Variants in SLC6A16 observed in about 807,000 individuals in gnomAD.
SLC6A16 encodes solute carrier family 6 member 16.
SLC6A16 carries 54 observed loss-of-function variants against 65.4 expected under a neutral mutation model. The observed-to-expected ratio is 0.83, with a 90% CI of 0.66 to 1.04. The LOEUF (loss-of-function observed/expected upper bound fraction) is 1.04. Ranked by LOEUF, SLC6A16 falls within the 50% of genes least tolerant of loss-of-function variation. The pLI is 0.00. For synonymous variants in SLC6A16, 330 were observed against 346.5 expected (o/e 0.95, Z 0.53); for missense variants, 816 against 914.0 (o/e 0.89, Z 1.38).
chr19:49,333,796 G>C, the SLC6A16 span, among the ~76,000 whole-genome samples: 5 of 152,188 alleles, frequency 3.3e-5, no homozygotes, highest in Non-Finnish European at 7.4e-5. Flanking sequence ...TGACTAGATA[G>C]ATGGTGGGGC....
the SLC6A16 span, chr19:49,336,109 C>A: frequency 2.6e-6 from 1 of 390,602 alleles, no homozygotes; most frequent in South Asian, 4.4e-5. Context: ...ACAGCAAGGA[C>A]GTAAAAGAGC....
At chr19:49,305,178 G>A (rs959009197) in intron 7 of SLC6A16, among the ~76,000 whole-genome samples, 3 of 152,178 alleles carry the variant, frequency 2.0e-5, no homozygotes, top group African/African-American at 7.2e-5. Context: ...TGTGCTCTGT[G>A]AGCTACCATG....
the SLC6A16 span, chr19:49,339,336 G>A: frequency 5.0e-6 from 8 of 1,613,924 alleles, no homozygotes; most frequent in Non-Finnish European, 6.8e-6. The surrounding 1 kb of genome is among the most constrained non-coding windows in gnomAD (Gnocchi z 4.5). Flanking sequence ...CCAGGGCTGC[G>A]CGCAGGGCCT....
chr19:49,339,861 G>C, the SLC6A16 span: 1 of 1,333,172 alleles, frequency 7.5e-7, no homozygotes, highest in East Asian at 3.2e-5. The surrounding 1 kb of genome is among the most constrained non-coding windows in gnomAD (Gnocchi z 4.5). Flanking sequence ...CGCAGGGCAA[G>C]CTGCCCATGG....
chr19:49,322,634 CAAAA>C (rs59799608), intron 1 of SLC6A16, among the ~76,000 whole-genome samples: 2 of 77,416 alleles, frequency 2.6e-5, no homozygotes. Context: ...AACTCCATCT[CAAAA>C]AAAAAAAAAA....
At chr19:49,339,076 G>A in the SLC6A16 span, 1 of 748,176 alleles carries the variant, frequency 1.3e-6, no homozygotes. The surrounding 1 kb of genome is among the most constrained non-coding windows in gnomAD (Gnocchi z 4.5). Flanking sequence ...GGGGCCCTCT[G>A]AAGGGGGCGG....
the SLC6A16 span, chr19:49,339,544 C>T: frequency 8.8e-6 from 13 of 1,482,738 alleles, no homozygotes; most frequent in Non-Finnish European, 1.2e-5. This position sits in a 1 kb window ranked among gnomAD's most constrained non-coding sequence, Gnocchi z 4.5. Flanking sequence ...GCCCTCCCGC[C>T]GCTCCACCCA....
chr19:49,310,890 GA>G (rs1375995464), intron 2 of SLC6A16, 42 bp downstream of exon 2: 2 of 1,414,152 alleles, frequency 1.4e-6, no homozygotes, highest in Admixed American at 3.6e-5. Flanking sequence ...ACTCTGTCCT[GA>G]TTGCCCCTTG....
the SLC6A16 span, among the ~76,000 whole-genome samples, chr19:49,333,230 G>C: frequency 6.6e-6 from 1 of 150,420 alleles, no homozygotes; most frequent in Non-Finnish European, 1.5e-5. Context: ...CCCAGCACTT[G>C]GGGAGGCCGA....
chr19:49,301,487 T>C (rs939493516), intron 7 of SLC6A16, among the ~76,000 whole-genome samples: 3 of 152,194 alleles, frequency 2.0e-5, no homozygotes, highest in Non-Finnish European at 4.4e-5. Context: ...AGCACACTTC[T>C]GTACTGAGGA....
intron 2 of SLC6A16, 70 bp from the exon 3 acceptor site, chr19:49,310,580 G>T: frequency 6.4e-7 from 1 of 1,563,362 alleles, no homozygotes; most frequent in South Asian, 1.1e-5. Flanking sequence ...CAGGAGCCCA[G>T]GAAAACATTC....
chr19:49,317,883 T>TA (rs895625415), intron 1 of SLC6A16, among the ~76,000 whole-genome samples: 4 of 152,148 alleles, frequency 2.6e-5, no homozygotes, highest in Non-Finnish European at 4.4e-5. Flanking sequence ...TTGCAATCTC[T>TA]AAAAAAAGGC....
the SLC6A16 span, chr19:49,339,081 G>A: frequency 2.7e-6 from 2 of 734,560 alleles, no homozygotes; most frequent in South Asian, 1.7e-5. This position sits in a 1 kb window ranked among gnomAD's most constrained non-coding sequence, Gnocchi z 4.5. Context: ...CCTCTGAAGG[G>A]GGCGGGGTCT....
At chr19:49,323,378 T>C (rs1409963610) in intron 1 of SLC6A16, among the ~76,000 whole-genome samples, 6 of 152,254 alleles carry the variant, frequency 3.9e-5, no homozygotes, top group Admixed American at 2.6e-4. Context: ...ATTAAAATGT[T>C]TTAAATTTGT....
chr19:49,338,965 T>C, the SLC6A16 span: 7 of 1,516,578 alleles, frequency 4.6e-6, no homozygotes, highest in Admixed American at 6.7e-5. The surrounding 1 kb of genome is among the most constrained non-coding windows in gnomAD (Gnocchi z 5.0). Context: ...CATAAACCTG[T>C]CGAATGGGGC....
rs1386096995 is a variant in SLC6A16, at chr19:49,309,001, G to T, written c.1104C>A (p.Asn368Lys). Residue 368 changes from asparagine (N) to lysine (K), a missense_variant, in exon 7 of 12, where the codon AAC (asparagine) becomes AAA (lysine). Transcript: ENST00000335875. ...ASLASYMPQS[N>K]NCLSDAFLVS... ...CGAGAAAGGCATCACTGAGACAGTT[G>T]TTGGACTGGGGCATGTAGGAGGCTA... The T allele has an allele frequency of 1.9e-6, 3 of 1,614,232 alleles. No individual in the cohort carries two copies. The highest frequency in any genetic ancestry group is 2.5e-6 in the Non-Finnish European group (3 of 1,180,046).
intron 7 of SLC6A16, among the ~76,000 whole-genome samples, chr19:49,306,547 C>CTT (rs1174068777): frequency 1.1e-4 from 13 of 114,906 alleles, no homozygotes; most frequent in African/African-American, 1.6e-4. Flanking sequence ...TTTTTTTTTT[C>CTT]TTTTTTTTTT....
At chr19:49,321,292 T>C (rs1172549834) in intron 1 of SLC6A16, among the ~76,000 whole-genome samples, 3 of 148,384 alleles carry the variant, frequency 2.0e-5, no homozygotes, top group Non-Finnish European at 4.4e-5. Flanking sequence ...GAAAAAACAT[T>C]TGACAAAACT....
At chr19:49,337,278 T>A in the SLC6A16 span, 1 of 1,529,022 alleles carries the variant, frequency 6.5e-7, no homozygotes, top group Non-Finnish European at 9.0e-7. Context: ...GGGAAGGGAG[T>A]GGTGGGAGAG....
Sources: allele counts gnomAD v4.1 joint callset (sites outside exome capture counted in the v4.1 genomes callset), GRCh38; gene constraint gnomAD v4.1.1; non-coding constraint Gnocchi (gnomAD v3.1); transcripts MANE v1.5; gene names NCBI Gene and HGNC (gene_info 2026-07-23, HGNC 2026-07-21).